The following FYB2 variants were observed in gnomAD, a reference collection of about 807,000 sequenced individuals.
FYB2 encodes FYN-binding protein 2.
A neutral mutation model predicts 94.1 loss-of-function variants in FYB2; 103 were observed. The ratio of observed to expected loss-of-function variants is 1.09; its 90% CI spans 0.93 to 1.29. The LOEUF is 1.29. Ranked by LOEUF, FYB2 falls within the 50% of genes most tolerant of loss-of-function variation. FYB2 has a pLI of 0.00. For missense variants in FYB2, 896 were observed against 841.5 expected, an observed-to-expected ratio of 1.06 and a Z score of -0.80; for synonymous variants, 293 against 287.9, an observed-to-expected ratio of 1.02 and a Z score of -0.18.
At chr1:56,769,902 T>A (rs1437022568) in intron 4 of FYB2, among the ~76,000 whole-genome samples, 1 of 152,128 alleles carries the variant, frequency 6.6e-6, no homozygotes, top group East Asian at 1.9e-4. Flanking sequence ...AATTGATATA[T>A]TTTTTAAAAG....
At chr1:56,765,863 G>A (rs986675857) in intron 5 of FYB2, among the ~76,000 whole-genome samples, 3 of 152,148 alleles carry the variant, frequency 2.0e-5, no homozygotes, top group African/African-American at 7.2e-5. Flanking sequence ...GCTTTTAGCT[G>A]TACTTAGCAG....
chr1:56,760,836 G>A (rs1034102292), intron 5 of FYB2, among the ~76,000 whole-genome samples: 6 of 152,060 alleles, frequency 3.9e-5, no homozygotes, highest in African/African-American at 9.7e-5. Flanking sequence ...AGGTTCTTTC[G>A]TGGCAAGCTA....
At chr1:56,756,013 C>A in intron 6 of FYB2, 86 bp from the exon 7 acceptor site, 1 of 1,325,606 alleles carries the variant, frequency 7.5e-7, no homozygotes, top group South Asian at 1.2e-5. Flanking sequence ...AGAGACTACA[C>A]CAAAAGGTGA....
intron 6 of FYB2, among the ~76,000 whole-genome samples, chr1:56,756,571 C>T (rs1325297843): frequency 2.6e-5 from 4 of 152,126 alleles, no homozygotes; most frequent in African/African-American, 9.7e-5. Context: ...CCTTTGAGGG[C>T]AGCCCTGGAA....
At chr1:56,809,542 C>T (rs982045635) in intron 1 of FYB2, among the ~76,000 whole-genome samples, 2 of 152,158 alleles carry the variant, frequency 1.3e-5, no homozygotes, top group Admixed American at 1.3e-4. Flanking sequence ...TTCCAGAATG[C>T]TCTTACCCAT....
chr1:56,759,049 T>C (rs182863718), intron 5 of FYB2, among the ~76,000 whole-genome samples: 131 of 152,254 alleles, frequency 8.6e-4, no homozygotes, highest in Middle Eastern at 3.4e-3. Flanking sequence ...CACTAAAATT[T>C]AGTGGCAGCT....
At chr1:56,822,082 T>C (rs1228803108), upstream of FYB2, among the ~76,000 whole-genome samples, 1 of 152,214 alleles carries the variant, frequency 6.6e-6, no homozygotes, top group Non-Finnish European at 1.5e-5. Context: ...TAATCATGTA[T>C]AAAGAAATGA....
chr1:56,792,544 C>G lies in FYB2; in HGVS notation c.269G>C (p.Cys90Ser), dbSNP rs549831043. 2 of 1,614,098 alleles carry G rather than the reference C, an allele frequency of 1.2e-6. No homozygotes were observed. The highest frequency in any genetic ancestry group is 4.5e-5 in the East Asian group (2 of 44,870). The change falls in exon 2 of 20, where the codon TGT becomes TCT. Residue 90 changes from cysteine (C) to serine (S), a missense_variant. Cys to Ser is a moderately radical substitution (Grantham distance 112). Coordinates refer to ENST00000343433, the MANE Select transcript of FYB2 (RefSeq NM_001004303.5). ...TCCCAGAGGCCCTGGGGAGTTAGAA[C>G]ATTTTGGAATTTCACTCTTCTGAGC... ...KLAQKSEIPK[C>S]SNSPGPLGKS...
chr1:56,820,423 G>A (rs528626323), upstream of FYB2, among the ~76,000 whole-genome samples: 1 of 152,324 alleles, frequency 6.6e-6, no homozygotes, highest in Admixed American at 6.5e-5. Context: ...AACCTCAGTT[G>A]CCAGTTTTGG....
At chr1:56,756,053 G>A (rs1645322717) in intron 6 of FYB2, 126 bp from the exon 7 acceptor site, 1 of 775,448 alleles carries the variant, frequency 1.3e-6, no homozygotes, top group Middle Eastern at 2.4e-4. Context: ...GAGAGCAAAG[G>A]CAGACACTGA....
At chr1:56,738,687 G>GAA (rs777420591) in intron 13 of FYB2, 34 bp from the exon 14 acceptor site, 5 of 1,601,390 alleles carry the variant, frequency 3.1e-6, no homozygotes, top group Non-Finnish European at 4.3e-6. Context: ...AAGAGTTAAG[G>GAA]AAAAAAACCA....
At chr1:56,779,809 C>T (rs1570121908) in intron 4 of FYB2, among the ~76,000 whole-genome samples, 1 of 152,202 alleles carries the variant, frequency 6.6e-6, no homozygotes, top group South Asian at 2.1e-4. Flanking sequence ...TAATAGGTAT[C>T]TCCAAAAGCA....
At chr1:56,747,474 T>C (rs1327047948) in intron 9 of FYB2, among the ~76,000 whole-genome samples, 1 of 152,040 alleles carries the variant, frequency 6.6e-6, no homozygotes, top group Non-Finnish European at 1.5e-5. Flanking sequence ...TTCCTCATTG[T>C]TCAACTCCCA....
intron 9 of FYB2, among the ~76,000 whole-genome samples, chr1:56,750,769 T>G (rs1569985288): frequency 6.6e-6 from 1 of 152,000 alleles, no homozygotes; most frequent in Non-Finnish European, 1.5e-5. Flanking sequence ...CATATTATGA[T>G]GATCTCTTTT....
At chr1:56,727,501 T>C (rs1644608295) in intron 15 of FYB2, among the ~76,000 whole-genome samples, 1 of 152,052 alleles carries the variant, frequency 6.6e-6, no homozygotes. Context: ...TGGAATACTA[T>C]AGAACATTAA....
At chr1:56,817,950 G>C (rs919475060) in intron 1 of FYB2, among the ~76,000 whole-genome samples, 1 of 152,194 alleles carries the variant, frequency 6.6e-6, no homozygotes. Context: ...TACTGAGCAA[G>C]TGATAACATT....
At position 56,767,821 on chromosome 1, in the gene FYB2, A is replaced by G. The variant is rs1227002177; in HGVS notation, c.1063+8T>C. ...GGGTTACACTATTAATTGGCTTAGC[A>G]GACTTACGATCAGCAATTTCTTTTG... On this transcript the variant is annotated splice_region_variant and intron_variant, in intron 5 of 19. Coordinates refer to ENST00000343433, the MANE Select transcript of FYB2 (RefSeq NM_001004303.5). The G allele has an allele frequency of 1.3e-6, 2 of 1,575,406 alleles. No individual in the cohort carries two copies. Among genetic ancestry groups the G allele is most frequent in the African/African-American group, 2.7e-5 (2 of 73,916 alleles).
At chr1:56,740,992 G>A (rs898355519) in intron 12 of FYB2, among the ~76,000 whole-genome samples, 197 bp from the exon 13 acceptor site, 5 of 152,052 alleles carry the variant, frequency 3.3e-5, no homozygotes, top group Non-Finnish European at 5.9e-5. Context: ...GAAGAATGAA[G>A]GTTGGAAAGT....
intron 1 of FYB2, among the ~76,000 whole-genome samples, chr1:56,807,064 A>G (rs1334327180): frequency 1.3e-5 from 2 of 152,156 alleles, no homozygotes; most frequent in Non-Finnish European, 2.9e-5. Flanking sequence ...AGGAGGCTTC[A>G]CTAGAAACTG....
Sources: allele counts gnomAD v4.1 joint callset (sites outside exome capture counted in the v4.1 genomes callset), GRCh38; gene constraint gnomAD v4.1.1; transcripts MANE v1.5; gene names NCBI Gene and HGNC (gene_info 2026-07-23, HGNC 2026-07-21).